Variants in PPP2R2B observed in about 807,000 individuals in gnomAD.
PPP2R2B encodes serine/threonine-protein phosphatase 2A 55 kDa regulatory subunit B beta isoform.
A neutral mutation model predicts 46.0 loss-of-function variants in PPP2R2B; 5 were observed. The ratio of observed to expected loss-of-function variants is 0.11; its 90% CI spans 0.06 to 0.23. The LOEUF is 0.23. PPP2R2B is among the 10% of genes least tolerant of loss of function. The pLI, the probability that PPP2R2B is intolerant of heterozygous loss-of-function variation, is 1.00. For missense variants in PPP2R2B, 367 were observed against 575.0 expected, an observed-to-expected ratio of 0.64 and a Z score of 3.70; for synonymous variants, 215 against 206.7, an observed-to-expected ratio of 1.04 and a Z score of -0.34.
chr5:146,640,405 G>A (rs530043256), intron 6 of PPP2R2B, among the ~76,000 whole-genome samples: 46 of 152,322 alleles, frequency 3.0e-4, no homozygotes, highest in South Asian at 2.1e-3. Context: ...CACATGCTGT[G>A]GAGCAAGAGC....
intron 2 of PPP2R2B, among the ~76,000 whole-genome samples, chr5:147,069,095 G>C (rs949540997): frequency 1.3e-5 from 2 of 152,164 alleles, no homozygotes; most frequent in African/African-American, 4.8e-5. Context: ...TCTAAAGGCT[G>C]CCAAATTTAA....
chr5:146,924,010 G>A (rs1314011315), intron 1 of PPP2R2B, among the ~76,000 whole-genome samples: 1 of 152,116 alleles, frequency 6.6e-6, no homozygotes, highest in Non-Finnish European at 1.5e-5. Flanking sequence ...TCATAAGTGG[G>A]AGCTAAATGA....
intron 2 of PPP2R2B, among the ~76,000 whole-genome samples, chr5:146,833,140 T>C (rs1270915332): frequency 6.6e-6 from 1 of 152,172 alleles, no homozygotes; most frequent in Non-Finnish European, 1.5e-5. Context: ...AACATTATGA[T>C]TTCTGAAATT....
chr5:146,787,051 G>A (rs1049623242), intron 2 of PPP2R2B, among the ~76,000 whole-genome samples: 40 of 152,330 alleles, frequency 2.6e-4, no homozygotes, highest in African/African-American at 9.4e-4. Flanking sequence ...CTATGGCCAT[G>A]TGGATCTTTA....
chr5:147,008,093 A>G (rs1438257014), intron 1 of PPP2R2B, among the ~76,000 whole-genome samples: 1 of 152,228 alleles, frequency 6.6e-6, no homozygotes, highest in African/African-American at 2.4e-5. Flanking sequence ...TACCTCCCAA[A>G]GAGGCCAAGG....
At chr5:146,651,370 C>T (rs1775945723) in intron 5 of PPP2R2B, among the ~76,000 whole-genome samples, 1 of 152,122 alleles carries the variant, frequency 6.6e-6, no homozygotes, top group East Asian at 1.9e-4. Context: ...CAAAACTGTC[C>T]CAGTTTGAAC....
At chr5:147,027,801 T>A (rs1290355616) in intron 1 of PPP2R2B, among the ~76,000 whole-genome samples, 2 of 152,178 alleles carry the variant, frequency 1.3e-5, no homozygotes, top group Non-Finnish European at 2.9e-5. Context: ...TTAAAATGGG[T>A]GCATTTTATT....
intron 2 of PPP2R2B, among the ~76,000 whole-genome samples, chr5:146,743,210 C>T (rs887222239): frequency 1.3e-5 from 2 of 152,140 alleles, no homozygotes; most frequent in Admixed American, 6.5e-5. Context: ...TTGTCATAAA[C>T]GATTGATGGG....
intron 1 of PPP2R2B, among the ~76,000 whole-genome samples, chr5:147,023,706 A>G (rs73793320): frequency 6.6e-6 from 1 of 152,266 alleles, no homozygotes; most frequent in African/African-American, 2.4e-5. Flanking sequence ...AGCTGGTGAA[A>G]CATTATTTCT....
chr5:146,884,369 C>T (rs1351462400), intron 1 of PPP2R2B, among the ~76,000 whole-genome samples: 1 of 152,108 alleles, frequency 6.6e-6, no homozygotes, highest in Non-Finnish European at 1.5e-5. Context: ...TTGTCTGATC[C>T]TTTCCAGGTT....
At chr5:146,820,081 G>A (rs1212006045) in intron 2 of PPP2R2B, among the ~76,000 whole-genome samples, 4 of 152,142 alleles carry the variant, frequency 2.6e-5, no homozygotes, top group Non-Finnish European at 2.9e-5. Context: ...GGAGAGGTTG[G>A]TCAATGGGTA....
At chr5:146,822,366 C>G (rs1363618099) in intron 2 of PPP2R2B, among the ~76,000 whole-genome samples, 1 of 152,128 alleles carries the variant, frequency 6.6e-6, no homozygotes, top group African/African-American at 2.4e-5. Context: ...TCCATATGGT[C>G]TGGATCCTGC....
In PPP2R2B at chr5:147,022,003, G is replaced by A. The variant is rs58437325; in HGVS notation, c.79+33662C>T. 1.2e-3 allele frequency among the ~76,000 whole-genome samples: 186 copies of A among 151,986 alleles called. No individual in the cohort carries two copies. The East Asian group carries it at 0.022, about 18-fold the overall frequency. ...GAAAAAAATACCTAAAGGAACTTCC[G>A]GAGTTAAAAAATACAGTGTTTGAGA... is the stretch of plus-strand genomic sequence containing the variant. On this transcript the variant is annotated intron_variant, in intron 1 of 8. Transcript: ENST00000336640.
At chr5:147,073,389 G>A (rs1757661733) in intron 2 of PPP2R2B, among the ~76,000 whole-genome samples, 1 of 152,040 alleles carries the variant, frequency 6.6e-6, no homozygotes, top group Non-Finnish European at 1.5e-5. Context: ...CATCACAGCT[G>A]AGAAAAAATG....
At chr5:147,048,281 G>C (rs1756632596) in intron 1 of PPP2R2B, among the ~76,000 whole-genome samples, 1 of 152,168 alleles carries the variant, frequency 6.6e-6, no homozygotes, top group African/African-American at 2.4e-5. Context: ...CTGGACTCTG[G>C]AGTCAGGCAG....
At chr5:146,958,382 T>C (rs954447052) in intron 1 of PPP2R2B, among the ~76,000 whole-genome samples, 1 of 152,160 alleles carries the variant, frequency 6.6e-6, no homozygotes, top group Non-Finnish European at 1.5e-5. Flanking sequence ...TCTGCCTCCA[T>C]GAGCACTTTC....
chr5:146,944,954 G>A (rs940515975), intron 1 of PPP2R2B, among the ~76,000 whole-genome samples: 6 of 152,162 alleles, frequency 3.9e-5, no homozygotes, highest in African/African-American at 1.4e-4. Flanking sequence ...ATGCCCTCTT[G>A]TAACTTACTG....
At chr5:147,068,620 T>C (rs1757481665) in intron 2 of PPP2R2B, among the ~76,000 whole-genome samples, 1 of 152,244 alleles carries the variant, frequency 6.6e-6, no homozygotes, top group South Asian at 2.1e-4. Flanking sequence ...TGCTGTAAGA[T>C]ACTTTTTAGA....
intron 1 of PPP2R2B, among the ~76,000 whole-genome samples, chr5:147,003,892 C>T (rs1754306642): frequency 6.6e-6 from 1 of 152,128 alleles, no homozygotes; most frequent in Admixed American, 6.5e-5. Flanking sequence ...CCCCAACTCA[C>T]TCGAGGGTCA....
Sources: allele counts gnomAD v4.1 joint callset (sites outside exome capture counted in the v4.1 genomes callset), GRCh38; gene constraint gnomAD v4.1.1; transcripts MANE v1.5; gene names NCBI Gene and HGNC (gene_info 2026-07-23, HGNC 2026-07-21).